The following TMEM260 variants were observed in gnomAD, a reference collection of about 807,000 sequenced individuals.
The protein encoded by TMEM260 is protein O-mannosyl-transferase TMEM260.
Under a neutral mutation model 88.9 loss-of-function variants are expected in TMEM260, and 82 were observed. That is an observed-to-expected ratio of 0.92 (90% CI 0.77 to 1.11). The LOEUF (loss-of-function observed/expected upper bound fraction) is 1.11. Among genes scored for constraint, TMEM260 ranks in the 50% least tolerant of loss-of-function variants. The pLI, the probability that TMEM260 is intolerant of heterozygous loss-of-function variation, is 0.00. For synonymous variants in TMEM260, 314 were observed against 309.3 expected, an observed-to-expected ratio of 1.02 and a Z score of -0.16; for missense variants, 902 against 853.4, an observed-to-expected ratio of 1.06 and a Z score of -0.71.
chr14:56,647,417 C>G lies in TMEM260; in HGVS notation c.2044C>G (p.Pro682Ala). The G allele has an allele frequency of 6.2e-7, 1 of 1,614,114 alleles. No individual in the cohort carries two copies. Among genetic ancestry groups the G allele is most frequent in the Non-Finnish European group, 8.5e-7 (1 of 1,180,018 alleles). The change falls in exon 16 of 16, where the codon CCA becomes GCA. Residue 682 changes from proline to alanine, a missense_variant. Transcript: ENST00000261556. ...RLYSQKAPND[P>A]QQADILGALK... ...GTACTCTCAGAAAGCACCGAATGACCCACAGCAAGCTGATATTTTAGGTGC... is the reference window on the plus strand; with the variant it reads ...GTACTCTCAGAAAGCACCGAATGACGCACAGCAAGCTGATATTTTAGGTGC...
chr14:56,661,326 GAGA>G, the TMEM260 span, among the ~76,000 whole-genome samples: 10 of 152,170 alleles, frequency 6.6e-5, no homozygotes, highest in Non-Finnish European at 1.3e-4. Flanking sequence ...TGAAAAAGGG[GAGA>G]AACCACAAAG....
At chr14:56,656,287 C>CA in the TMEM260 span, among the ~76,000 whole-genome samples, 1 of 151,988 alleles carries the variant, frequency 6.6e-6, no homozygotes, top group Admixed American at 6.6e-5. Flanking sequence ...AGCATGGTGT[C>CA]GTGTGCCTGT....
At chr14:56,624,599 A>G (rs1349252345) in intron 11 of TMEM260, among the ~76,000 whole-genome samples, 2 of 152,136 alleles carry the variant, frequency 1.3e-5, no homozygotes, top group Non-Finnish European at 2.9e-5. Context: ...GAACCGTTCT[A>G]TGCCAGGCAG....
chr14:56,642,032 G>C (rs970321021), intron 15 of TMEM260, among the ~76,000 whole-genome samples: 9 of 152,182 alleles, frequency 5.9e-5, no homozygotes, highest in Admixed American at 5.2e-4. Flanking sequence ...CCTGCAAAGA[G>C]ACTTAGACTC....
chr14:56,633,062 T>C lies in TMEM260; in HGVS notation c.1615T>C (p.Trp539Arg). 6.2e-7 allele frequency: 1 copy of C among 1,613,944 alleles called. No homozygotes were observed. The highest frequency in any genetic ancestry group is 1.1e-5 in the South Asian group (1 of 91,064). The change falls in exon 13 of 16, where the codon TGG becomes CGG. Residue 539 changes from tryptophan to arginine, a missense_variant. Coordinates refer to ENST00000261556, the MANE Select transcript of TMEM260 (RefSeq NM_017799.4). The stretch of plus-strand genomic sequence containing the variant: ...AACCTGGAAAAAGAACTATTCACTT[T>C]GGCCATGGGGGTCTTGTGACAAATT... The part of the protein sequence containing the change: ...DPTWKKNYSL[W>R]PWGSCDKLVP...
intron 5 of TMEM260, 77 bp from the exon 6 acceptor site, chr14:56,609,029 C>A: frequency 7.0e-7 from 1 of 1,427,998 alleles, no homozygotes; most frequent in Non-Finnish European, 9.7e-7. Context: ...TGATGTTTTC[C>A]TTGATATGTT....
chr14:56,624,921 C>A (rs1193081325), intron 11 of TMEM260, among the ~76,000 whole-genome samples: 1 of 152,142 alleles, frequency 6.6e-6, no homozygotes, highest in East Asian at 1.9e-4. Flanking sequence ...TGAAACTGTT[C>A]CACCTGAGAT....
intron 12 of TMEM260, among the ~76,000 whole-genome samples, chr14:56,627,355 A>G (rs1043160868): frequency 1.3e-5 from 2 of 152,284 alleles, no homozygotes; most frequent in Admixed American, 1.3e-4. Flanking sequence ...TTTTTTACAA[A>G]GGTGAAAGCA....
the TMEM260 span, among the ~76,000 whole-genome samples, chr14:56,658,755 A>G: frequency 1.3e-5 from 2 of 150,432 alleles, no homozygotes; most frequent in African/African-American, 4.9e-5. Flanking sequence ...TTATTAGACA[A>G]AGTCTCACTC....
rs1342110553 is a variant in TMEM260, at chr14:56,640,891, G to A, written c.1869+4293G>A. Among the ~76,000 whole-genome samples, 3 of 152,134 alleles carry A rather than the reference G, an allele frequency of 2.0e-5. No individual in the cohort carries two copies. The South Asian group carries it at 6.2e-4, about 32-fold the overall frequency. ...CCAATGCGATCAACTGGAAGAAAGGGTATCAGCGATGGACAATGAAATGAA... is the reference window on the plus strand; with the variant it reads ...CCAATGCGATCAACTGGAAGAAAGGATATCAGCGATGGACAATGAAATGAA... On this transcript the variant is annotated intron_variant, in intron 15 of 15. Coordinates refer to ENST00000261556, the MANE Select transcript of TMEM260 (RefSeq NM_017799.4).
intron 5 of TMEM260, among the ~76,000 whole-genome samples, chr14:56,607,096 A>C (rs762217855): frequency 2.6e-5 from 4 of 152,212 alleles, no homozygotes; most frequent in Non-Finnish European, 5.9e-5. Context: ...CTTTTATTAT[A>C]TAAACCTTGA....
intron 1 of TMEM260, among the ~76,000 whole-genome samples, chr14:56,584,345 G>T (rs186221367): frequency 4.7e-4 from 71 of 152,124 alleles, no homozygotes; most frequent in African/African-American, 1.6e-3. Flanking sequence ...TACGTAAAAG[G>T]TTAACAAATA....
At position 56,617,200 on chromosome 14, in the gene TMEM260, C is replaced by T; in HGVS notation, c.959C>T (p.Ser320Leu). ...CLATKDRQNP[S>L]LVWLFTGMFC... ...TTTTGTAGGGACAGACAGAATCCAT[C>T]ATTAGTATGGCTTTTTACTGGAATG... The change falls in exon 9 of 16, where the codon TCA (serine) becomes TTA (leucine). Residue 320 changes from serine (S) to leucine (L), a missense_variant. By Grantham distance (145) the Ser-to-Leu change is moderately radical. Transcript: ENST00000261556. The T allele has an allele frequency of 6.3e-7, 1 of 1,594,998 alleles. No individual in the cohort carries two copies. Among genetic ancestry groups the T allele is most frequent in the Non-Finnish European group, 8.5e-7 (1 of 1,171,834 alleles).
the TMEM260 span, among the ~76,000 whole-genome samples, chr14:56,662,925 C>G: frequency 6.6e-5 from 10 of 152,152 alleles, no homozygotes; most frequent in East Asian, 1.8e-3. Flanking sequence ...GTTGGGAGTT[C>G]GAGACCAGCC....
intron 2 of TMEM260, 92 bp downstream of exon 2, chr14:56,585,124 T>C: frequency 1.6e-6 from 2 of 1,234,590 alleles, no homozygotes; most frequent in Non-Finnish European, 2.3e-6. Flanking sequence ...AGTAGATTAA[T>C]TTATTTTCAA....
At position 56,624,224 on chromosome 14, in the gene TMEM260, A is replaced by G. The variant is rs182295268; in HGVS notation, c.1399-1158A>G. Among the ~76,000 whole-genome samples, 412 of 152,254 alleles carry G rather than the reference A, an allele frequency of 2.7e-3. 3 individuals are homozygous for G. The highest frequency in any genetic ancestry group is 9.6e-3 in the African/African-American group (397 of 41,552). On this transcript the variant is annotated intron_variant, in intron 11 of 15. Transcript: ENST00000261556. ...TTTTTTAATGAATAAAATAATGGCTATTTTGTCTAGGTTGTCTAGTCTGGC... is the reference window on the plus strand; with the variant it reads ...TTTTTTAATGAATAAAATAATGGCTGTTTTGTCTAGGTTGTCTAGTCTGGC...
chr14:56,647,006 C>T (rs886646536), intron 15 of TMEM260, among the ~76,000 whole-genome samples: 1 of 152,056 alleles, frequency 6.6e-6, no homozygotes, highest in Non-Finnish European at 1.5e-5. Flanking sequence ...TTCGGTTTCC[C>T]CTGCAACATC....
At chr14:56,640,324 C>G (rs1889485260) in intron 15 of TMEM260, among the ~76,000 whole-genome samples, 1 of 152,200 alleles carries the variant, frequency 6.6e-6, no homozygotes, top group Non-Finnish European at 1.5e-5. Flanking sequence ...CAGGCAGCTG[C>G]ATTTGCAGTT....
intron 6 of TMEM260, 152 bp from the exon 7 acceptor site, chr14:56,612,093 C>T (rs562942972): frequency 7.3e-5 from 51 of 701,888 alleles, no homozygotes; most frequent in South Asian, 6.4e-4. Flanking sequence ...ACGCAGTTTA[C>T]CTGTGTAACA....
Sources: allele counts gnomAD v4.1 joint callset (sites outside exome capture counted in the v4.1 genomes callset), GRCh38; gene constraint gnomAD v4.1.1; transcripts MANE v1.5; gene names NCBI Gene and HGNC (gene_info 2026-07-23, HGNC 2026-07-21).